Variants in PHF14 observed in about 807,000 individuals in gnomAD.
PHF14 encodes the protein PHD finger protein 14.
Under a neutral mutation model 117.9 loss-of-function variants are expected in PHF14, and 55 were observed. That is an observed-to-expected ratio of 0.47 (90% confidence interval 0.38 to 0.58). The LOEUF is 0.58. PHF14 is among the 20% of genes least tolerant of loss of function. PHF14 has a pLI of 0.00. For synonymous variants in PHF14, 409 were observed against 368.6 expected (o/e 1.11, Z -1.26); for missense variants, 978 against 1,122.2 (o/e 0.87, Z 1.84).
At chr7:11,015,694 CATA>C (rs1430478402) in intron 5 of PHF14, among the ~76,000 whole-genome samples, 4 of 152,048 alleles carry the variant, frequency 2.6e-5, no homozygotes, top group Non-Finnish European at 5.9e-5. Flanking sequence ...GTTTCTGTAA[CATA>C]ATAAGTGGTC....
chr7:11,092,599 T>TGA (rs1471077038), intron 16 of PHF14, among the ~76,000 whole-genome samples: 5 of 152,154 alleles, frequency 3.3e-5, no homozygotes, highest in African/African-American at 1.2e-4. Flanking sequence ...ACCTCAGAGT[T>TGA]TAAGTTTAAG....
intron 11 of PHF14, among the ~76,000 whole-genome samples, 182 bp from the exon 12 acceptor site, chr7:11,040,490 T>C (rs912590534): frequency 2.6e-5 from 4 of 152,104 alleles, no homozygotes; most frequent in Non-Finnish European, 5.9e-5. Context: ...TATAGATTTC[T>C]AATGGAAATA....
At chr7:10,979,644 G>A (rs991978140) in intron 2 of PHF14, among the ~76,000 whole-genome samples, 6 of 150,518 alleles carry the variant, frequency 4.0e-5, no homozygotes, top group South Asian at 4.2e-4. Context: ...ATAGCCAAGG[G>A]CCTTGATTTT....
intron 3 of PHF14, among the ~76,000 whole-genome samples, chr7:10,988,994 G>C (rs1039027021): frequency 6.6e-6 from 1 of 152,058 alleles, no homozygotes; most frequent in African/African-American, 2.4e-5. Context: ...TGCTTACTCT[G>C]GTACTGTAAA....
intron 3 of PHF14, among the ~76,000 whole-genome samples, chr7:10,988,049 A>G (rs1283228411): frequency 2.6e-5 from 4 of 151,670 alleles, no homozygotes; most frequent in Non-Finnish European, 5.9e-5. Context: ...GAAAAAAAAG[A>G]AAACTGAGAT....
At chr7:11,150,778 T>G (rs1182914760) in intron 17 of PHF14, among the ~76,000 whole-genome samples, 1 of 152,180 alleles carries the variant, frequency 6.6e-6, no homozygotes, top group Non-Finnish European at 1.5e-5. Flanking sequence ...GGTATATCAT[T>G]TCTGTGACAA....
intron 7 of PHF14, among the ~76,000 whole-genome samples, chr7:11,034,195 GTGT>G (rs1267561697): frequency 1.3e-5 from 2 of 151,706 alleles, no homozygotes; most frequent in South Asian, 2.1e-4. Flanking sequence ...CTCCTCGGTA[GTGT>G]TGTCATTTCT....
chr7:11,102,739 A>T (rs1236069037), intron 16 of PHF14: 2 of 1,372,042 alleles, frequency 1.5e-6, no homozygotes, highest in East Asian at 2.6e-5. Flanking sequence ...CCTGTGTGGA[A>T]TTTTTTTTCC....
At chr7:11,125,129 A>G (rs1267702562) in intron 17 of PHF14, among the ~76,000 whole-genome samples, 2 of 152,072 alleles carry the variant, frequency 1.3e-5, no homozygotes, top group African/African-American at 2.4e-5. Context: ...GCAGAAACTA[A>G]TCTATTGAAC....
intron 2 of PHF14, among the ~76,000 whole-genome samples, chr7:10,979,529 C>A (rs993504323): frequency 1.4e-5 from 2 of 146,050 alleles, no homozygotes; most frequent in African/African-American, 5.0e-5. Context: ...CAGTATATTT[C>A]TTTTTTTCCT....
chr7:11,122,159 GC>G (rs1787774220), intron 17 of PHF14, among the ~76,000 whole-genome samples: 2 of 150,864 alleles, frequency 1.3e-5, no homozygotes, highest in South Asian at 4.2e-4. Context: ...ATGGCTTCCA[GC>G]TTCATCCATG....
At chr7:11,076,704 A>G (rs1785867366) in intron 16 of PHF14, among the ~76,000 whole-genome samples, 1 of 151,180 alleles carries the variant, frequency 6.6e-6, no homozygotes, top group Admixed American at 6.6e-5. Context: ...AGTAGCTGAG[A>G]TTACAGGTGC....
At chr7:11,097,002 G>A (rs1473387891) in intron 16 of PHF14, among the ~76,000 whole-genome samples, 4 of 127,002 alleles carry the variant, frequency 3.1e-5, no homozygotes, top group East Asian at 4.5e-4. Flanking sequence ...TTTTTGAGAC[G>A]GAGTTTTGCT....
At chr7:11,122,436 T>TATATAC (rs1787803337) in intron 17 of PHF14, among the ~76,000 whole-genome samples, 1 of 125,082 alleles carries the variant, frequency 8.0e-6, no homozygotes, top group Non-Finnish European at 1.7e-5. Flanking sequence ...CACGTATATA[T>TATATAC]ATATACGTAT....
intron 17 of PHF14, among the ~76,000 whole-genome samples, chr7:11,157,749 C>A (rs1213501724): frequency 6.6e-6 from 1 of 152,166 alleles, no homozygotes; most frequent in African/African-American, 2.4e-5. Flanking sequence ...TACTGAATGA[C>A]TGTATGATTC....
intron 17 of PHF14, among the ~76,000 whole-genome samples, chr7:11,127,350 C>T (rs1234694349): frequency 2.0e-5 from 3 of 151,708 alleles, no homozygotes; most frequent in Non-Finnish European, 2.9e-5. Context: ...AACTTAGTTC[C>T]GTTTATCTCT....
rs1382366596 is a variant in PHF14, at chr7:10,981,511, G to A, written c.113-861G>A. Among the ~76,000 whole-genome samples, 3 of 152,324 alleles carry A rather than the reference G, an allele frequency of 2.0e-5. No individual in the cohort carries two copies. The East Asian group carries it at 5.8e-4, about 29-fold the overall frequency. On this transcript the variant is annotated intron_variant, in intron 2 of 17. Coordinates refer to ENST00000634607, the MANE Select transcript of PHF14 (RefSeq NM_001007157.2). ...AGAGGGACTGGGCTGCCCTAGGCAG[G>A]AGTGGAAGAAACCTGCTAGAAAGCT... is the stretch of plus-strand genomic sequence containing the variant.
intron 4 of PHF14, among the ~76,000 whole-genome samples, chr7:11,002,329 G>A (rs1177090351): frequency 2.0e-5 from 3 of 152,144 alleles, no homozygotes; most frequent in Non-Finnish European, 4.4e-5. Context: ...ACAGCCACAG[G>A]TGTAGGTCAA....
chr7:11,143,458 A>C (rs1243033681), intron 17 of PHF14, among the ~76,000 whole-genome samples: 1 of 151,974 alleles, frequency 6.6e-6, no homozygotes, highest in East Asian at 1.9e-4. Context: ...TGATTTATTT[A>C]ATAAGGAATT....
Sources: gnomAD v4.1 joint callset for allele counts (sites outside exome capture counted in the v4.1 genomes callset) on GRCh38, gnomAD v4.1.1 for gene constraint, MANE v1.5 for transcripts, NCBI Gene and HGNC (gene_info 2026-07-23, HGNC 2026-07-21) for gene names.